RALGAPA2: variants seen among roughly 807,000 people sequenced by gnomAD.
The protein encoded by RALGAPA2 is Ral GTPase activating protein catalytic subunit alpha 2.
Under a neutral mutation model 230.4 loss-of-function variants are expected in RALGAPA2, and 139 were observed. The ratio of observed to expected loss-of-function variants is 0.60; its 90% CI spans 0.53 to 0.69. The LOEUF (loss-of-function observed/expected upper bound fraction) is 0.69, where lower values mean the gene tolerates loss of function less well. Among genes scored for constraint, RALGAPA2 ranks in the 30% least tolerant of loss-of-function variants. RALGAPA2 has a pLI of 0.00. For missense variants in RALGAPA2, 2,163 were observed against 2,276.0 expected (o/e 0.95, Z 1.01); for synonymous variants, 847 against 837.8 (o/e 1.01, Z -0.19).
chr20:20,461,678 T>C (rs2061304708), intron 37 of RALGAPA2, among the ~76,000 whole-genome samples: 1 of 152,228 alleles, frequency 6.6e-6, no homozygotes, highest in South Asian at 2.1e-4. Flanking sequence ...AGGGATCAAG[T>C]TGCAAACATA....
At chr20:20,414,433 C>T (rs139856696) in intron 37 of RALGAPA2, among the ~76,000 whole-genome samples, 2 of 152,288 alleles carry the variant, frequency 1.3e-5, no homozygotes, top group East Asian at 1.9e-4. Flanking sequence ...TCTGCGGAAG[C>T]CACGTATCTG....
intron 8 of RALGAPA2, among the ~76,000 whole-genome samples, 161 bp from the exon 9 acceptor site, chr20:20,635,778 G>A (rs1603148306): frequency 6.6e-6 from 1 of 152,084 alleles, no homozygotes; most frequent in East Asian, 1.9e-4. Flanking sequence ...TTTTTGGTAG[G>A]CTCCTTTCTG....
At chr20:20,465,568 A>AG (rs923868661) in intron 37 of RALGAPA2, among the ~76,000 whole-genome samples, 1 of 152,190 alleles carries the variant, frequency 6.6e-6, no homozygotes, top group Non-Finnish European at 1.5e-5. Flanking sequence ...ATATTCCCCT[A>AG]GGGGGAGCAT....
intron 35 of RALGAPA2, among the ~76,000 whole-genome samples, chr20:20,495,787 G>A (rs573197385): frequency 6.6e-6 from 1 of 152,172 alleles, no homozygotes; most frequent in Non-Finnish European, 1.5e-5. Context: ...AGAAAAGGAC[G>A]TATAAAATTA....
At chr20:20,647,377 G>A (rs2067251916) in intron 4 of RALGAPA2, among the ~76,000 whole-genome samples, 1 of 152,090 alleles carries the variant, frequency 6.6e-6, no homozygotes, top group African/African-American at 2.4e-5. Context: ...GCTAGAAGAG[G>A]CCAGTGGAAT....
In RALGAPA2 at chr20:20,571,913, G is replaced by A; in HGVS notation, c.2935C>T (p.Gln979Ter). ...AAAACTGGAGGAGATGGAGAAGACT[G>A]GTTATCCAGGCTTATTGCTAGATTA... ...RDNLAISLDN[Q>*]SSPSPPVLIP... The change falls in exon 22 of 40, where the codon CAG (glutamine) becomes TAG (stop). Residue 979 changes from glutamine to a stop codon, truncating the protein, a stop_gained. Transcript: ENST00000202677. LOFTEE classifies it high-confidence loss of function. The A allele has an allele frequency of 1.9e-6, 3 of 1,610,768 alleles. No homozygotes were observed. The highest frequency in any genetic ancestry group is 2.5e-6 in the Non-Finnish European group (3 of 1,178,134).
intron 27 of RALGAPA2, among the ~76,000 whole-genome samples, chr20:20,529,347 A>G (rs1257219249): frequency 6.6e-6 from 1 of 152,194 alleles, no homozygotes; most frequent in Non-Finnish European, 1.5e-5. Flanking sequence ...TGAGAGCTCA[A>G]TATGTGGTAA....
chr20:20,534,413 C>T (rs750713997), intron 26 of RALGAPA2, among the ~76,000 whole-genome samples: 2 of 151,480 alleles, frequency 1.3e-5, no homozygotes, highest in Non-Finnish European at 2.9e-5. Context: ...CCACTGCACT[C>T]CAGCCTGGGC....
chr20:20,571,127 A>G (rs2064618048), intron 23 of RALGAPA2, among the ~76,000 whole-genome samples: 1 of 152,196 alleles, frequency 6.6e-6, no homozygotes, highest in Non-Finnish European at 1.5e-5. Context: ...CTTTCTTCAA[A>G]CCATATTTAA....
chr20:20,495,043 C>G (rs1000113168), intron 36 of RALGAPA2, 74 bp downstream of exon 36: 1 of 1,339,414 alleles, frequency 7.5e-7, no homozygotes, highest in Non-Finnish European at 1.0e-6. Context: ...ATATTTGTAT[C>G]ACTGATTTTC....
intron 37 of RALGAPA2, among the ~76,000 whole-genome samples, chr20:20,438,317 T>C (rs1338371570): frequency 1.3e-5 from 2 of 152,260 alleles, no homozygotes; most frequent in Admixed American, 1.3e-4. Context: ...TGGTATTTAA[T>C]GCATGAATAA....
At chr20:20,708,401 C>T (rs536540941) in intron 1 of RALGAPA2, among the ~76,000 whole-genome samples, 2 of 152,242 alleles carry the variant, frequency 1.3e-5, no homozygotes, top group East Asian at 1.9e-4. Flanking sequence ...TGTCAAGGGC[C>T]GGGTGGAGAT....
chr20:20,557,977 T>C (rs1387331527), intron 23 of RALGAPA2, among the ~76,000 whole-genome samples: 2 of 152,036 alleles, frequency 1.3e-5, no homozygotes, highest in Non-Finnish European at 2.9e-5. Flanking sequence ...ATGGGCCTCA[T>C]ATATAGTGCA....
intron 23 of RALGAPA2, among the ~76,000 whole-genome samples, chr20:20,548,763 A>G (rs926035697): frequency 1.3e-5 from 2 of 152,206 alleles, no homozygotes; most frequent in African/African-American, 2.4e-5. Flanking sequence ...CTTTTTCATA[A>G]TTAAGCCTCT....
chr20:20,679,758 A>G (rs2068457743), intron 2 of RALGAPA2, among the ~76,000 whole-genome samples: 1 of 152,096 alleles, frequency 6.6e-6, no homozygotes, highest in South Asian at 2.1e-4. Flanking sequence ...TCTTCCCCAA[A>G]GCCTCATCTA....
chr20:20,608,592 C>A (rs1023515440), intron 14 of RALGAPA2, among the ~76,000 whole-genome samples: 2 of 150,730 alleles, frequency 1.3e-5, no homozygotes, highest in Non-Finnish European at 3.0e-5. Flanking sequence ...CTCAATTTTT[C>A]AAAAAAAAAT....
chr20:20,603,139 TTTCTTTAGAAAGGAGTTG>T (rs2065712428), intron 15 of RALGAPA2, among the ~76,000 whole-genome samples: 1 of 152,184 alleles, frequency 6.6e-6, no homozygotes, highest in Non-Finnish European at 1.5e-5. Context: ...CTCCAGTCTA[TTTCTTTAGAAAGGAGTTG>T]TGTATACCTT....
intron 36 of RALGAPA2, among the ~76,000 whole-genome samples, chr20:20,491,489 G>A (rs1036950551): frequency 2.0e-5 from 3 of 152,014 alleles, no homozygotes; most frequent in African/African-American, 7.3e-5. Flanking sequence ...ACTTACCTTC[G>A]CAAATTTCTG....
At chr20:20,477,904 A>G (rs1205486520) in intron 36 of RALGAPA2, among the ~76,000 whole-genome samples, 1 of 152,134 alleles carries the variant, frequency 6.6e-6, no homozygotes, top group Admixed American at 6.6e-5. Context: ...CACATTTTCT[A>G]TGGCTACTTT....
Sources: allele counts gnomAD v4.1 joint callset (sites outside exome capture counted in the v4.1 genomes callset), GRCh38; gene constraint gnomAD v4.1.1; transcripts MANE v1.5; gene names NCBI Gene and HGNC (gene_info 2026-07-23, HGNC 2026-07-21).